AVL9: variants seen among roughly 807,000 people sequenced by gnomAD.
AVL9 encodes AVL9 cell migration associated.
Under a neutral mutation model 79.2 loss-of-function variants are expected in AVL9, and 49 were observed. That is an observed-to-expected ratio of 0.62 (90% confidence interval 0.49 to 0.79). The LOEUF is 0.79. Among genes scored for constraint, AVL9 ranks in the 30% least tolerant of loss-of-function variants. AVL9 has a pLI of 0.00. For synonymous variants in AVL9, 299 were observed against 280.6 expected (o/e 1.07, Z -0.65); for missense variants, 682 against 776.8 (o/e 0.88, Z 1.45).
At chr7:32,554,666 A>G (rs2290210) in intron 8 of AVL9, 70 bp downstream of exon 8, 611,533 of 1,079,918 alleles carry the variant, frequency 0.57, 177,883 homozygotes, top group Admixed American at 0.7. Flanking sequence ...ACATTATTTC[A>G]TAAAATTGAA....
intron 7 of AVL9, 33 bp from the exon 8 acceptor site, chr7:32,554,525 A>C (rs1293176383): frequency 7.0e-7 from 1 of 1,424,460 alleles, no homozygotes; most frequent in Non-Finnish European, 9.6e-7. Context: ...TGAGTCTCTC[A>C]TTTCAATACA....
intron 1 of AVL9, among the ~76,000 whole-genome samples, chr7:32,541,169 G>C (rs1160272371): frequency 1.3e-5 from 2 of 151,806 alleles, no homozygotes; most frequent in Non-Finnish European, 2.9e-5. Context: ...CCAAAGTGCT[G>C]GGATTACAGG....
intron 10 of AVL9, among the ~76,000 whole-genome samples, chr7:32,562,910 T>G (rs1790390077): frequency 6.6e-6 from 1 of 152,196 alleles, no homozygotes; most frequent in African/African-American, 2.4e-5. Context: ...CTTTACAGTT[T>G]AGAGTAAGAC....
At chr7:32,548,965 ATCTT>A in intron 4 of AVL9, 47 bp downstream of exon 4, 1 of 1,288,402 alleles carries the variant, frequency 7.8e-7, no homozygotes, top group Admixed American at 2.5e-5. Context: ...TTCATGGCAG[ATCTT>A]TCTTTAAGGA....
At chr7:32,538,193 G>A (rs1043626436) in intron 1 of AVL9, 1 of 152,112 alleles carries the variant, frequency 6.6e-6, no homozygotes, top group Admixed American at 6.5e-5. Flanking sequence ...TTAAACTTCT[G>A]GCCAATGGCA....
intron 1 of AVL9, chr7:32,533,041 G>C (rs959104342): frequency 6.6e-6 from 1 of 152,326 alleles, no homozygotes; most frequent in Non-Finnish European, 1.5e-5. Flanking sequence ...GGCCAGGCAC[G>C]GTGGCCTATA....
chr7:32,513,980 A>G (rs1012312700), intron 1 of AVL9, among the ~76,000 whole-genome samples: 1 of 152,236 alleles, frequency 6.6e-6, no homozygotes, highest in Admixed American at 6.5e-5. Context: ...GTAAAAAGTA[A>G]CAGAGCAGTA....
chr7:32,540,277 T>A (rs1427657156), intron 1 of AVL9, among the ~76,000 whole-genome samples: 1 of 152,226 alleles, frequency 6.6e-6, no homozygotes. Context: ...AGAGTATCTA[T>A]GGGATAAATT....
At chr7:32,558,847 T>A in intron 9 of AVL9, 82 bp from the exon 10 acceptor site, 2 of 1,256,292 alleles carry the variant, frequency 1.6e-6, no homozygotes, top group Admixed American at 4.8e-5. Context: ...TTAAATTTTA[T>A]AGGGGAGTCT....
At chr7:32,540,441 AT>A (rs1354954262) in intron 1 of AVL9, among the ~76,000 whole-genome samples, 1 of 152,204 alleles carries the variant, frequency 6.6e-6, no homozygotes, top group Non-Finnish European at 1.5e-5. Context: ...TGGGGAAGGC[AT>A]TTATAGGGTG....
At position 32,508,416 on chromosome 7, in the gene AVL9, A is replaced by C. The variant is rs1787508375; in HGVS notation, c.93+12614A>C. On this transcript the variant is annotated intron_variant, in intron 1 of 15. Coordinates refer to ENST00000318709, the MANE Select transcript of AVL9 (RefSeq NM_015060.3). The stretch of plus-strand genomic sequence containing the variant: ...ATTAAGAGAGCAAAATAATCAGATA[A>C]AACTAATTTTAATATTGTGTTTTTT... 2.1e-5 allele frequency among the ~76,000 whole-genome samples: 3 copies of C among 145,490 alleles called. No homozygotes were observed. The South Asian group carries it at 6.8e-4, about 33-fold the overall frequency.
chr7:32,573,567 C>T (rs1262311754), intron 12 of AVL9, 149 bp downstream of exon 12: 5 of 738,010 alleles, frequency 6.8e-6, no homozygotes, highest in South Asian at 2.0e-5. Flanking sequence ...CCACTTTTAA[C>T]GTCTTTAGTA....
intron 1 of AVL9, among the ~76,000 whole-genome samples, chr7:32,514,218 C>T (rs916077018): frequency 2.6e-5 from 4 of 152,142 alleles, no homozygotes; most frequent in East Asian, 3.9e-4. Flanking sequence ...TCCCTTCCCA[C>T]GAGGCCATAT....
intron 1 of AVL9, among the ~76,000 whole-genome samples, chr7:32,507,662 C>T (rs560082355): frequency 2.3e-4 from 35 of 152,198 alleles, no homozygotes; most frequent in East Asian, 1.9e-4. Context: ...GACAGGCATT[C>T]GGTTGTTTCA....
Position 32,526,028 on chromosome 7 carries a change from C to T in AVL9, c.94-17113C>T, listed in dbSNP as rs115477561. ...TTGAGAGAGTACTGCTATCAGGTTT[C>T]CTAACTCACAGATTGAAACCTAGGT... is the stretch of plus-strand genomic sequence containing the variant. On this transcript the variant is annotated intron_variant, in intron 1 of 15. Transcript: ENST00000318709. 4.1e-3 allele frequency among the ~76,000 whole-genome samples: 621 copies of T among 152,214 alleles called. 1 individual carries two copies. The highest frequency in any genetic ancestry group is 0.014 in the African/African-American group (568 of 41,526).
intron 1 of AVL9, among the ~76,000 whole-genome samples, chr7:32,515,198 C>T (rs572916304): frequency 1.2e-4 from 19 of 152,312 alleles, no homozygotes; most frequent in African/African-American, 4.3e-4. Context: ...GTCACAGGTA[C>T]GTCTTTAACC....
intron 12 of AVL9, among the ~76,000 whole-genome samples, chr7:32,573,737 A>C (rs886492239): frequency 6.6e-6 from 1 of 152,224 alleles, no homozygotes; most frequent in East Asian, 1.9e-4. Flanking sequence ...ATGAACATAT[A>C]TCATCACTTT....
At position 32,584,756 on chromosome 7, in the gene AVL9, C is replaced by CTGTT. The variant is rs1791688830; in HGVS notation, c.*851_*854dup. ...TTTTTTATTCCAGAGTTTGTGCCATCTGTTTCTCTTTTTTTTTTTGGGGGG... is the reference window on the plus strand; with the variant it reads ...TTTTTTATTCCAGAGTTTGTGCCATCTGTTTGTTTCTCTTTTTTTTTTTGGGGGG... On this transcript the variant is annotated 3_prime_UTR_variant, in exon 16 of 16. Coordinates refer to ENST00000318709, the MANE Select transcript of AVL9 (RefSeq NM_015060.3). 1 of 117,870 alleles carries CTGTT rather than the reference C, an allele frequency of 8.5e-6. No individual in the cohort carries two copies. Among genetic ancestry groups the CTGTT allele is most frequent in the Non-Finnish European group, 1.6e-5 (1 of 62,638 alleles). 7.3% of individuals were successfully genotyped at this position (117,870 alleles called of 1,614,324 possible). A position where few individuals can be genotyped will look rare whatever the true frequency, so the allele number is the denominator to read the frequency against.
rs6964436 is a variant in AVL9, at chr7:32,498,946, C to G, written c.93+3144C>G. Among the ~76,000 whole-genome samples the G allele has an allele frequency of 1.5e-4, 10 of 65,316 alleles. 2 individuals are homozygous for G. The highest frequency in any genetic ancestry group is 1.8e-4 in the Admixed American group (1 of 5,612). The allele number at this position is 65,316 out of a possible 152,430, so 42.8% of individuals were successfully genotyped here. A position where few individuals can be genotyped will look rare whatever the true frequency, so the allele number is the denominator to read the frequency against. Reference sequence around the variant, plus strand: ...TGGGAGGCCGAGGCGGGTGGATCACCTGAGGTGAGGAGTTCGAAACCAGCC... The same window carrying G: ...TGGGAGGCCGAGGCGGGTGGATCACGTGAGGTGAGGAGTTCGAAACCAGCC... On this transcript the variant is annotated intron_variant, in intron 1 of 15. Coordinates refer to ENST00000318709, the MANE Select transcript of AVL9 (RefSeq NM_015060.3).
Sources: allele counts gnomAD v4.1 joint callset (sites outside exome capture counted in the v4.1 genomes callset), GRCh38; gene constraint gnomAD v4.1.1; transcripts MANE v1.5; gene names NCBI Gene and HGNC (gene_info 2026-07-23, HGNC 2026-07-21).